LRP1B: variants seen among roughly 807,000 people sequenced by gnomAD.
LRP1B encodes the protein low-density lipoprotein receptor-related protein 1B.
In LRP1B, 217 loss-of-function variants were observed where a neutral mutation model predicts 556.6. The ratio of observed to expected loss-of-function variants is 0.39; its 90% confidence interval spans 0.35 to 0.44. The LOEUF is 0.44. LRP1B is among the 20% of genes least tolerant of loss of function. LRP1B has a pLI of 1.00. For synonymous variants in LRP1B, 2,047 were observed against 1,865.8 expected, an observed-to-expected ratio of 1.10 and a Z score of -2.50; for missense variants, 5,053 against 5,620.8, an observed-to-expected ratio of 0.90 and a Z score of 3.23.
At chr2:141,219,337 G>A (rs565085237) in intron 6 of LRP1B, among the ~76,000 whole-genome samples, 5 of 152,308 alleles carry the variant, frequency 3.3e-5, no homozygotes, top group East Asian at 1.9e-4. Context: ...GGCAGATCAC[G>A]GCAAGATTGC....
intron 62 of LRP1B, among the ~76,000 whole-genome samples, chr2:140,453,827 T>C (rs1221088977): frequency 1.3e-5 from 2 of 152,188 alleles, no homozygotes; most frequent in Non-Finnish European, 2.9e-5. Context: ...TTGGGGAACA[T>C]GTCATTTGTT....
intron 21 of LRP1B, among the ~76,000 whole-genome samples, chr2:140,909,175 C>A (rs1000278991): frequency 1.3e-5 from 2 of 152,106 alleles, no homozygotes; most frequent in African/African-American, 2.4e-5. Context: ...TATTAATTAT[C>A]TTTTCCAGAT....
At chr2:142,046,696 T>C (rs1216042115) in intron 1 of LRP1B, among the ~76,000 whole-genome samples, 1 of 151,946 alleles carries the variant, frequency 6.6e-6, no homozygotes, top group Non-Finnish European at 1.5e-5. Flanking sequence ...TATAGTATCT[T>C]TTTGTCTATA....
At chr2:140,367,183 C>G (rs376922049) in intron 71 of LRP1B, among the ~76,000 whole-genome samples, 35 of 151,764 alleles carry the variant, frequency 2.3e-4, no homozygotes, top group African/African-American at 6.8e-4. Flanking sequence ...TTAAGAGAGG[C>G]AGCTTGGTAA....
chr2:140,336,657 T>C (rs944485640), intron 77 of LRP1B, among the ~76,000 whole-genome samples: 2 of 151,946 alleles, frequency 1.3e-5, no homozygotes, highest in African/African-American at 4.8e-5. Flanking sequence ...TTAACATCTT[T>C]TGAGGAAAGT....
In LRP1B at chr2:140,344,309, A is replaced by C. The variant is rs549324155; in HGVS notation, c.11892+6488T>G. On this transcript the variant is annotated intron_variant, in intron 77 of 90. Coordinates refer to ENST00000389484, the MANE Select transcript of LRP1B (RefSeq NM_018557.3). ...TAGGAGGCTACTGAACCAATTCAAA[A>C]GAAAGATGCCTGGCTCAAACCTAGG... is the stretch of plus-strand genomic sequence containing the variant. 3.3e-5 allele frequency among the ~76,000 whole-genome samples: 5 copies of C among 151,946 alleles called. No individual in the cohort carries two copies. The East Asian group carries it at 9.7e-4, about 30-fold the overall frequency.
chr2:141,115,434 C>A lies in LRP1B; in HGVS notation c.1014-53161G>T, dbSNP rs559866192. Among the ~76,000 whole-genome samples the A allele has an allele frequency of 2.3e-3, 344 of 148,044 alleles. 1 individual carries two copies. Among genetic ancestry groups the A allele is most frequent in the Non-Finnish European group, 4.0e-3 (269 of 67,194 alleles). ...TCCAATTCACTTAAATAGGACTTTG[C>A]AAAATGAATAGGTTTTTGTTTTTGT... On this transcript the variant is annotated intron_variant, in intron 7 of 90. Transcript: ENST00000389484.
Position 141,268,551 on chromosome 2 carries a change from G to A in LRP1B, c.344-13910C>T, listed in dbSNP as rs1337758421. Among the ~76,000 whole-genome samples the A allele has an allele frequency of 3.3e-5, 5 of 152,154 alleles. No individual in the cohort carries two copies. In the East Asian group the frequency reaches 9.7e-4, roughly 30 times the overall value. ...GAAATCGTGCAACATGGAGGCTCTT[G>A]GAGAAAGGCCAAGAAGGAAATCAAT... On this transcript the variant is annotated intron_variant, in intron 3 of 90. Transcript: ENST00000389484.
chr2:140,560,061 A>G (rs756344063), intron 43 of LRP1B, among the ~76,000 whole-genome samples: 40 of 152,302 alleles, frequency 2.6e-4, no homozygotes, highest in Admixed American at 8.5e-4. Context: ...CCAAGTGATC[A>G]AAGTTAGCAT....
rs540658102 is a variant in LRP1B, at chr2:141,280,282, G to A, written c.344-25641C>T. Among the ~76,000 whole-genome samples, 43 of 152,048 alleles carry A rather than the reference G, an allele frequency of 2.8e-4. 1 individual carries two copies. The highest frequency in any genetic ancestry group is 1.0e-3 in the African/African-American group (42 of 41,516). On this transcript the variant is annotated intron_variant, in intron 3 of 90. Coordinates refer to ENST00000389484, the MANE Select transcript of LRP1B (RefSeq NM_018557.3). ...GCAAACAGTCCAGCTTCCATATGAC[G>A]AGTTATTTGGTTTCATGTACACACA...
chr2:140,644,956 T>C (rs1428896754), intron 41 of LRP1B, among the ~76,000 whole-genome samples: 1 of 152,154 alleles, frequency 6.6e-6, no homozygotes, highest in Non-Finnish European at 1.5e-5. Context: ...AAATCTAAAA[T>C]ATTAATGAAT....
At chr2:141,561,073 T>C (rs16846480) in intron 2 of LRP1B, among the ~76,000 whole-genome samples, 4,271 of 151,794 alleles carry the variant, frequency 0.028, 218 homozygotes, top group African/African-American at 0.095. Flanking sequence ...GGGTAGAACT[T>C]GGTTAAAGAT....
intron 35 of LRP1B, among the ~76,000 whole-genome samples, chr2:140,741,044 G>A (rs2104866932): frequency 6.6e-6 from 1 of 152,234 alleles, no homozygotes; most frequent in African/African-American, 2.4e-5. Context: ...AAGAACACAT[G>A]ATGCTGCAAA....
intron 16 of LRP1B, chr2:140,992,644 G>A (rs970662622): frequency 5.3e-5 from 8 of 151,988 alleles, no homozygotes; most frequent in African/African-American, 1.7e-4. Flanking sequence ...TATTGCACTT[G>A]ACTGATTAGT....
chr2:140,695,370 G>A (rs1228267725), intron 41 of LRP1B, among the ~76,000 whole-genome samples: 2 of 151,910 alleles, frequency 1.3e-5, no homozygotes, highest in Non-Finnish European at 2.9e-5. Flanking sequence ...AAGCTTCTAG[G>A]GTTAGTCACT....
intron 2 of LRP1B, among the ~76,000 whole-genome samples, chr2:141,762,002 AAAG>A (rs1694570435): frequency 2.0e-5 from 3 of 152,170 alleles, no homozygotes; most frequent in Admixed American, 2.0e-4. Context: ...AACTCTCTGA[AAAG>A]AAGATTTTCA....
Position 140,969,487 on chromosome 2 carries a change from G to A in LRP1B, c.2887+12673C>T, listed in dbSNP as rs569185708. 1.3e-4 allele frequency among the ~76,000 whole-genome samples: 20 copies of A among 151,804 alleles called. No homozygotes were observed. The South Asian group carries it at 4.2e-3, about 32-fold the overall frequency. Reference sequence around the variant, plus strand: ...GGGTCTTGACTCTTTAAATTTGCCAGTCTGTGTCTTTAATTGGAGCATTTA... The same window carrying A: ...GGGTCTTGACTCTTTAAATTTGCCAATCTGTGTCTTTAATTGGAGCATTTA... On this transcript the variant is annotated intron_variant, in intron 18 of 90. Transcript: ENST00000389484.
chr2:141,525,886 G>A (rs1052785547), intron 2 of LRP1B, among the ~76,000 whole-genome samples: 14 of 151,734 alleles, frequency 9.2e-5, no homozygotes, highest in Non-Finnish European at 1.5e-4. Context: ...AAAAAATATC[G>A]TTTATTTGAA....
At chr2:141,860,505 A>C (rs925639864) in intron 1 of LRP1B, among the ~76,000 whole-genome samples, 19 of 152,172 alleles carry the variant, frequency 1.2e-4, no homozygotes, top group Non-Finnish European at 2.6e-4. Context: ...TTCTCCTTGC[A>C]AATTATCTGT....
Sources: gnomAD v4.1 joint callset for allele counts (sites outside exome capture counted in the v4.1 genomes callset) on GRCh38, gnomAD v4.1.1 for gene constraint, MANE v1.5 for transcripts, NCBI Gene and HGNC (gene_info 2026-07-23, HGNC 2026-07-21) for gene names.